ANGEL2: variants seen among roughly 807,000 people sequenced by gnomAD.
ANGEL2 encodes the protein angel homolog 2, also known as RNA 2',3'-cyclic phosphatase ANGEL2.
ANGEL2 carries 41 observed loss-of-function variants against 66.0 expected under a neutral mutation model. The observed-to-expected ratio is 0.62, with a 90% confidence interval of 0.48 to 0.81. The LOEUF (loss-of-function observed/expected upper bound fraction) is 0.81. Among genes scored for constraint, ANGEL2 ranks in the 30% least tolerant of loss-of-function variants. The pLI is 0.00. For synonymous variants in ANGEL2, 208 were observed against 226.5 expected, an observed-to-expected ratio of 0.92 and a Z score of 0.73; for missense variants, 561 against 641.6, an observed-to-expected ratio of 0.87 and a Z score of 1.36.
chr1:212,996,640 AATAT>A (rs34712162), intron 8 of ANGEL2, among the ~76,000 whole-genome samples: 10 of 66,472 alleles, frequency 1.5e-4, no homozygotes, highest in African/African-American at 6.2e-4. Flanking sequence ...AAAAAAAAAA[AATAT>A]ATATATATAT....
At position 212,995,029 on chromosome 1, in the gene ANGEL2, G is replaced by T; in HGVS notation, c.*12C>A. 1.3e-6 allele frequency: 2 copies of T among 1,592,072 alleles called. No individual in the cohort carries two copies. The highest frequency in any genetic ancestry group is 2.3e-5 in the South Asian group (2 of 86,730). On this transcript the variant is annotated 3_prime_UTR_variant, in exon 9 of 9. Transcript: ENST00000366962. ...CAAATTGGAAAGAAAATTAGTATGTGATCAAAGAGAGTCAGAGCTCAAGTC... is the reference window on the plus strand; with the variant it reads ...CAAATTGGAAAGAAAATTAGTATGTTATCAAAGAGAGTCAGAGCTCAAGTC...
intron 1 of ANGEL2, 78 bp downstream of exon 1, chr1:213,015,535 G>GGT: frequency 9.5e-7 from 1 of 1,052,380 alleles, no homozygotes; most frequent in Non-Finnish European, 1.3e-6. Flanking sequence ...CCCCGCCCCG[G>GGT]GTTAGTCCCG....
rs892877931 is a variant in ANGEL2 at position 212,994,772 on chromosome 1, T to C, written c.*269A>G. ...GATGCATTATATTTAAAAATCACTG[T>C]CAATTTTACTAGGATTTAGAATATA... On this transcript the variant is annotated 3_prime_UTR_variant, in exon 9 of 9. Coordinates refer to ENST00000366962, the MANE Select transcript of ANGEL2 (RefSeq NM_144567.5). 1 of 223,456 alleles carries C rather than the reference T, an allele frequency of 4.5e-6. No homozygotes were observed. The highest frequency in any genetic ancestry group is 8.6e-6 in the Non-Finnish European group (1 of 116,074). The allele number at this position is 223,456 out of a possible 1,614,324, so 13.8% of individuals were successfully genotyped here.
chr1:212,997,164 C>G lies in ANGEL2; in HGVS notation c.1474G>C (p.Gly492Arg), dbSNP rs1280355725. 5.6e-6 allele frequency: 9 copies of G among 1,612,118 alleles called. No individual in the cohort carries two copies. The highest frequency in any genetic ancestry group is 1.3e-5 in the African/African-American group (1 of 74,894). ...TACATGCATTCCTTACCTGGGTGCC[C>G]AGCAACATCTTCCTTTTCTGCAGAG... is the stretch of plus-strand genomic sequence containing the variant. ...FYSAEKEDVA[G>R]HPGAEVALVG... Residue 492 changes from glycine to arginine, a missense_variant, in exon 8 of 9, where the codon GGG becomes CGG. Gly to Arg is a moderately radical substitution (Grantham distance 125, BLOSUM62 -2). Coordinates refer to ENST00000366962, the MANE Select transcript of ANGEL2 (RefSeq NM_144567.5).
At chr1:213,007,319 A>G in intron 3 of ANGEL2, 121 bp from the exon 4 acceptor site, 2 of 729,928 alleles carry the variant, frequency 2.7e-6, no homozygotes, top group East Asian at 5.6e-5. Flanking sequence ...AAGAATTGAA[A>G]TAAAAGACTT....
chr1:212,997,250 C>T lies in ANGEL2; in HGVS notation c.1388G>A (p.Gly463Glu). The T allele has an allele frequency of 2.5e-6, 4 of 1,613,688 alleles. No individual in the cohort carries two copies. The highest frequency in any genetic ancestry group is 1.1e-5 in the South Asian group (1 of 91,058). ...SVYSHYFPDT[G>E]IPEVTTCHSR... ...ATGACAGGTGGTCACTTCTGGAATT[C>T]CAGTGTCAGGAAAGTAATGTGAATA... is the stretch of plus-strand genomic sequence containing the variant. The change falls in exon 8 of 9, where the codon GGA (glycine) becomes GAA (glutamate). Residue 463 changes from glycine to glutamate, a missense_variant. By Grantham distance (98) the Gly-to-Glu change is moderately conservative (BLOSUM62 -2). Coordinates refer to ENST00000366962, the MANE Select transcript of ANGEL2 (RefSeq NM_144567.5).
At chr1:213,000,538 G>T in intron 6 of ANGEL2, 155 bp from the exon 7 acceptor site, 1 of 775,632 alleles carries the variant, frequency 1.3e-6, no homozygotes. Context: ...ATGGCCTCCA[G>T]AATTAGGAAA....
At chr1:212,997,901 A>T (rs528814729) in intron 7 of ANGEL2, among the ~76,000 whole-genome samples, 4 of 151,388 alleles carry the variant, frequency 2.6e-5, no homozygotes, top group South Asian at 4.2e-4. Context: ...AAATAAAATT[A>T]AAAAAGAAAC....
intron 7 of ANGEL2, among the ~76,000 whole-genome samples, chr1:212,997,581 G>T (rs1302828664): frequency 1.3e-5 from 2 of 152,106 alleles, no homozygotes; most frequent in African/African-American, 4.8e-5. Flanking sequence ...TTTATAACGT[G>T]TGAATGCCTC....
Position 212,994,940 on chromosome 1 carries a change from T to G in ANGEL2, c.*101A>C. 9.1e-7 allele frequency: 1 copy of G among 1,104,324 alleles called. No individual in the cohort carries two copies. The highest frequency in any genetic ancestry group is 1.6e-5 in the African/African-American group (1 of 61,784). 68.4% of individuals were successfully genotyped at this position (1,104,324 alleles called of 1,614,324 possible). ...CATCTAACATAACCGCTTCAGAATC[T>G]CCACAGTGCAAAAATAAACAACATG... On this transcript the variant is annotated 3_prime_UTR_variant, in exon 9 of 9. Coordinates refer to ENST00000366962, the MANE Select transcript of ANGEL2 (RefSeq NM_144567.5).
chr1:213,005,598 A>T, intron 4 of ANGEL2, 144 bp from the exon 5 acceptor site: 2 of 943,650 alleles, frequency 2.1e-6, no homozygotes, highest in Non-Finnish European at 3.1e-6. Flanking sequence ...ACATTGGAAT[A>T]AAAAACGTTT....
At chr1:213,008,965 C>T (rs2076420622) in intron 2 of ANGEL2, among the ~76,000 whole-genome samples, 1 of 152,176 alleles carries the variant, frequency 6.6e-6, no homozygotes, top group Non-Finnish European at 1.5e-5. Context: ...CTAGTTTATA[C>T]ATGAAAGAAG....
At position 212,995,156 on chromosome 1, in the gene ANGEL2, A is replaced by G; in HGVS notation, c.1520T>C (p.Leu507Pro). The change falls in exon 9 of 9, where the codon CTA (leucine) becomes CCA (proline). Residue 507 changes from leucine to proline, a missense_variant. By Grantham distance (98) the Leu-to-Pro change is moderately conservative. Transcript: ENST00000366962. ...EVALVGGLKL[L>P]ARLSLLTEQD... Reference sequence around the variant, plus strand: ...TTCTGTAAGAAGTGACAGTCTAGCTAGAAGTTTCAAGCCACCAACCAAAGC... The same window carrying G: ...TTCTGTAAGAAGTGACAGTCTAGCTGGAAGTTTCAAGCCACCAACCAAAGC... 1 of 1,609,896 alleles carries G rather than the reference A, an allele frequency of 6.2e-7. No homozygotes were observed. Among genetic ancestry groups the G allele is most frequent in the Non-Finnish European group, 8.5e-7 (1 of 1,177,800 alleles).
rs376719121 is a variant in ANGEL2, at chr1:212,996,179, C to T, written c.1483+976G>A. Among the ~76,000 whole-genome samples, 10 of 151,996 alleles carry T rather than the reference C, an allele frequency of 6.6e-5. No homozygotes were observed. The South Asian group carries it at 1.2e-3, about 19-fold the overall frequency. On this transcript the variant is annotated intron_variant, in intron 8 of 8. Transcript: ENST00000366962. ...AAAATTAGCCGGGCATGGTGGCGGG[C>T]GCCTGTAGTCCCAGTGGCTCGGGAG...
intron 1 of ANGEL2, 127 bp downstream of exon 1, chr1:213,015,486 A>C: frequency 5.4e-6 from 8 of 1,485,908 alleles, no homozygotes; most frequent in African/African-American, 1.4e-5. Context: ...ACCATCGCCC[A>C]GACCCTCTTC....
intron 7 of ANGEL2, 61 bp downstream of exon 7, chr1:213,000,265 G>A: frequency 1.4e-6 from 2 of 1,462,364 alleles, no homozygotes; most frequent in Non-Finnish European, 1.9e-6. Flanking sequence ...TGATTTTTGA[G>A]AAATGAGTTT....
intron 2 of ANGEL2, among the ~76,000 whole-genome samples, chr1:213,009,184 G>A (rs2076426877): frequency 6.6e-6 from 1 of 152,240 alleles, no homozygotes; most frequent in Non-Finnish European, 1.5e-5. Flanking sequence ...AACACATCAT[G>A]CATTCTGCAA....
chr1:212,999,765 T>A (rs957860943), intron 7 of ANGEL2, among the ~76,000 whole-genome samples: 11 of 152,222 alleles, frequency 7.2e-5, no homozygotes, highest in African/African-American at 2.4e-4. Flanking sequence ...TCCAGCATCT[T>A]CACCCCTCTG....
In ANGEL2 at chr1:212,995,181, C is replaced by T. The variant is rs1290464510; in HGVS notation, c.1495G>A (p.Ala499Thr). ...DVAGHPGAEV[A>T]LVGGLKLLAR... Reference sequence around the variant, plus strand: ...AGAAGTTTCAAGCCACCAACCAAAGCAACTTCAGCTCCTACATTAAAGAAG... The same window carrying T: ...AGAAGTTTCAAGCCACCAACCAAAGTAACTTCAGCTCCTACATTAAAGAAG... Residue 499 changes from alanine (A) to threonine (T), a missense_variant, in exon 9 of 9, where the codon GCT (alanine) becomes ACT (threonine). Transcript: ENST00000366962. 5.6e-6 allele frequency: 9 copies of T among 1,603,498 alleles called. No individual in the cohort carries two copies. The highest frequency in any genetic ancestry group is 7.7e-6 in the Non-Finnish European group (9 of 1,174,726).
Sources: gnomAD v4.1 joint callset for allele counts (sites outside exome capture counted in the v4.1 genomes callset) on GRCh38, gnomAD v4.1.1 for gene constraint, MANE v1.5 for transcripts, NCBI Gene and HGNC (gene_info 2026-07-23, HGNC 2026-07-21) for gene names.